HLCS: variants seen among roughly 807,000 people sequenced by gnomAD.
HLCS encodes holocarboxylase synthetase, also known as biotin--protein ligase.
In HLCS, 53 loss-of-function variants were observed where a neutral mutation model predicts 75.0. That is an observed-to-expected ratio of 0.71 (90% CI 0.57 to 0.89). HLCS has a LOEUF of 0.89. Among genes scored for constraint, HLCS ranks in the 40% least tolerant of loss-of-function variants. HLCS has a pLI of 0.00. For missense variants in HLCS, 966 were observed against 1,074.0 expected, an observed-to-expected ratio of 0.90 and a Z score of 1.41; for synonymous variants, 431 against 428.6, an observed-to-expected ratio of 1.01 and a Z score of -0.07.
At chr21:36,772,234 T>A (rs949509898) in intron 6 of HLCS, among the ~76,000 whole-genome samples, 3 of 152,150 alleles carry the variant, frequency 2.0e-5, no homozygotes, top group African/African-American at 7.2e-5. Flanking sequence ...TTGGAGCTCT[T>A]ACAATGATGT....
At position 36,828,502 on chromosome 21, in the gene HLCS, C is replaced by T. The variant is rs1601422321; in HGVS notation, c.1893-61217G>A. Among the ~76,000 whole-genome samples the T allele has an allele frequency of 3.9e-5, 6 of 152,096 alleles. No individual in the cohort carries two copies. In the South Asian group the frequency reaches 1.2e-3, roughly 32 times the overall value. On this transcript the variant is annotated intron_variant, in intron 6 of 10. Transcript: ENST00000674895. The stretch of plus-strand genomic sequence containing the variant: ...AAACTCTTTTTTTCCTTTATTCTTC[C>T]TTTTTTCCAAAAGAAGAATAGCCTA...
At chr21:36,896,810 T>C (rs2065028189) in intron 6 of HLCS, 50 bp downstream of exon 6, 1 of 1,599,494 alleles carries the variant, frequency 6.3e-7, no homozygotes, top group Middle Eastern at 1.7e-4. Context: ...GAGAGGATGA[T>C]CAATGGAACA....
At chr21:36,905,859 C>T (rs1021805664) in intron 5 of HLCS, among the ~76,000 whole-genome samples, 1 of 151,904 alleles carries the variant, frequency 6.6e-6, no homozygotes, top group African/African-American at 2.4e-5. Flanking sequence ...CAAGACCAGC[C>T]TGGCCAACAT....
At chr21:36,818,290 C>T (rs2061721282) in intron 6 of HLCS, among the ~76,000 whole-genome samples, 1 of 152,198 alleles carries the variant, frequency 6.6e-6, no homozygotes, top group Non-Finnish European at 1.5e-5. Flanking sequence ...AATCCTATTT[C>T]TAAAGACCCT....
chr21:36,768,331 T>C (rs956496595), intron 6 of HLCS, among the ~76,000 whole-genome samples: 5 of 152,164 alleles, frequency 3.3e-5, no homozygotes, highest in African/African-American at 1.2e-4. Context: ...TCCACAGTGG[T>C]CCTGCTGAGG....
intron 2 of HLCS, chr21:36,948,401 G>A (rs2067510904): frequency 6.6e-6 from 1 of 151,860 alleles, no homozygotes; most frequent in East Asian, 2.0e-4. Flanking sequence ...AGAGGATAAA[G>A]GAGAGCTACA....
intron 5 of HLCS, among the ~76,000 whole-genome samples, chr21:36,902,645 G>A (rs1177697048): frequency 6.6e-6 from 1 of 152,200 alleles, no homozygotes; most frequent in Admixed American, 6.5e-5. Flanking sequence ...AAGATCATCG[G>A]CTAAGAGAGA....
Position 36,753,948 on chromosome 21 carries a change from T to C in HLCS, c.*298A>G. 2.1e-6 allele frequency: 1 copy of C among 470,516 alleles called. No homozygotes were observed. Among genetic ancestry groups the C allele is most frequent in the South Asian group, 2.2e-5 (1 of 46,166 alleles). The allele number at this position is 470,516 out of a possible 1,614,324, so 29.1% of individuals were successfully genotyped here. A position where few individuals can be genotyped will look rare whatever the true frequency, so the allele number is the denominator to read the frequency against. On this transcript the variant is annotated 3_prime_UTR_variant, in exon 11 of 11. Coordinates refer to ENST00000674895, the MANE Select transcript of HLCS (RefSeq NM_001352514.2). This position sits in a 1 kb window ranked among gnomAD's most constrained non-coding sequence, Gnocchi z 4.3. ...CTGAATTTTCCCATTGTCATTTCCA[T>C]GTAAAAACTCCCCTTGACAATAAAC...
intron 2 of HLCS, among the ~76,000 whole-genome samples, chr21:36,956,254 G>A (rs2067938146): frequency 6.6e-6 from 1 of 152,074 alleles, no homozygotes; most frequent in Non-Finnish European, 1.5e-5. Context: ...GGACTCAGGG[G>A]GTGGGGAGGC....
At chr21:36,773,773 TA>T (rs1210467852) in intron 6 of HLCS, among the ~76,000 whole-genome samples, 1 of 152,170 alleles carries the variant, frequency 6.6e-6, no homozygotes, top group South Asian at 2.1e-4. Flanking sequence ...TTTTTCATTT[TA>T]AAAAAGCTGA....
intron 5 of HLCS, among the ~76,000 whole-genome samples, chr21:36,909,783 T>C (rs1417732387): frequency 6.6e-6 from 1 of 152,206 alleles, no homozygotes; most frequent in Non-Finnish European, 1.5e-5. Flanking sequence ...TTACTTGTCT[T>C]ATCTGCTAAA....
At chr21:36,947,701 C>T (rs2067470529) in intron 2 of HLCS, 3 of 985,444 alleles carry the variant, frequency 3.0e-6, no homozygotes, top group East Asian at 1.1e-4. Context: ...CAAGGCATAT[C>T]TTCTCTGCTC....
chr21:36,879,767 A>C (rs1601605021), intron 6 of HLCS, among the ~76,000 whole-genome samples: 1 of 152,248 alleles, frequency 6.6e-6, no homozygotes, highest in Non-Finnish European at 1.5e-5. Context: ...AAAGTTAGCC[A>C]AGCATGGTGG....
In HLCS at chr21:36,754,411, C is replaced by G. The variant is rs775688363; in HGVS notation, c.2457G>C (p.Gln819His). 1 of 1,611,988 alleles carries G rather than the reference C, an allele frequency of 6.2e-7. No homozygotes were observed. The highest frequency in any genetic ancestry group is 8.5e-7 in the Non-Finnish European group (1 of 1,179,856). Reference protein sequence around the residue: ...LYYRYWVHSGQQVHLGSAEGP... With the variant: ...LYYRYWVHSGHQVHLGSAEGP... ...CCTCTGCGCTGCCCAGATGGACTTG[C>G]TGACCACTGAAAAGGAAGAACAGCG... Residue 819 changes from glutamine to histidine, a missense_variant, in exon 11 of 11, where the codon CAG (glutamine) becomes CAC (histidine). Coordinates refer to ENST00000674895, the MANE Select transcript of HLCS (RefSeq NM_001352514.2).
At chr21:36,905,902 T>C (rs957394919) in intron 5 of HLCS, among the ~76,000 whole-genome samples, 1 of 151,712 alleles carries the variant, frequency 6.6e-6, no homozygotes, top group African/African-American at 2.4e-5. Context: ...AATACAAAAT[T>C]AGCCGGGTGT....
At chr21:36,803,414 T>C (rs1346698571) in intron 6 of HLCS, among the ~76,000 whole-genome samples, 2 of 152,234 alleles carry the variant, frequency 1.3e-5, no homozygotes, top group African/African-American at 4.8e-5. Context: ...AACAAGGTGT[T>C]GTATGCAGTA....
chr21:36,903,078 G>A (rs1037259485), intron 5 of HLCS, among the ~76,000 whole-genome samples: 80 of 152,302 alleles, frequency 5.3e-4, no homozygotes, highest in African/African-American at 1.7e-3. Flanking sequence ...TGCAAAATAA[G>A]GGGTGATCCT....
At chr21:36,793,191 G>A (rs998815815) in intron 6 of HLCS, among the ~76,000 whole-genome samples, 6 of 151,770 alleles carry the variant, frequency 4.0e-5, no homozygotes, top group Admixed American at 1.3e-4. Flanking sequence ...CTTAGGTACC[G>A]ATTCATTTTC....
At chr21:36,881,118 C>T (rs1318358301) in intron 6 of HLCS, among the ~76,000 whole-genome samples, 1 of 152,104 alleles carries the variant, frequency 6.6e-6, no homozygotes, top group African/African-American at 2.4e-5. Flanking sequence ...TACAGGTGTG[C>T]ACCACCATGC....
Sources: allele counts gnomAD v4.1 joint callset (sites outside exome capture counted in the v4.1 genomes callset), GRCh38; gene constraint gnomAD v4.1.1; non-coding constraint Gnocchi (gnomAD v3.1); transcripts MANE v1.5; gene names NCBI Gene and HGNC (gene_info 2026-07-23, HGNC 2026-07-21).